The following KDM1B variants were observed in gnomAD, a reference collection of about 807,000 sequenced individuals.
KDM1B encodes the protein lysine demethylase 1B.
In KDM1B, 63 loss-of-function variants were observed where a neutral mutation model predicts 107.4. That is an observed-to-expected ratio of 0.59 (90% CI 0.48 to 0.72). The LOEUF is 0.72. Among genes scored for constraint, KDM1B ranks in the 30% least tolerant of loss-of-function variants. The pLI is 0.00. For missense variants in KDM1B, 749 were observed against 1,020.8 expected (o/e 0.73, Z 3.63); for synonymous variants, 363 against 363.9 (o/e 1.00, Z 0.03).
rs1401111759 is a variant in KDM1B at position 18,205,396 on chromosome 6, C to T, written c.1532-141C>T. ...AGAGAAATGGACCTTATCAAGAGAT[C>T]TTTTCCCCTCTGACTTTACTTGGGA... On this transcript the variant is annotated intron_variant, in intron 14 of 21. Transcript: ENST00000650836. The surrounding 1 kb of genome is among the most constrained non-coding windows in gnomAD (Gnocchi z 5.7). The T allele has an allele frequency of 1.6e-6, 1 of 623,268 alleles. No individual in the cohort carries two copies. Among genetic ancestry groups the T allele is most frequent in the African/African-American group, 1.9e-5 (1 of 51,934 alleles). The allele number at this position is 623,268 out of a possible 1,614,324, so 38.6% of individuals were successfully genotyped here.
At chr6:18,175,137 G>A (rs780220597) in intron 7 of KDM1B, among the ~76,000 whole-genome samples, 2 of 152,212 alleles carry the variant, frequency 1.3e-5, no homozygotes, top group African/African-American at 2.4e-5. Context: ...CACTGCATCC[G>A]CACCAACATC....
Position 18,205,645 on chromosome 6 carries a change from G to A in KDM1B, c.1640G>A (p.Cys547Tyr), listed in dbSNP as rs1241352423. 6.6e-7 allele frequency: 1 copy of A among 1,523,740 alleles called. No individual in the cohort carries two copies. Among genetic ancestry groups the A allele is most frequent in the African/African-American group, 1.4e-5 (1 of 70,950 alleles). The allele number at this position is 1,523,740 out of a possible 1,614,324, so 94.4% of individuals were successfully genotyped here. A position where few individuals can be genotyped will look rare whatever the true frequency, so the allele number is the denominator to read the frequency against. ...CATCTCAGTAACCTGGAGTACGCCT[G>A]TGGCAGCAACCTTCACCAGGTGCGC... The part of the protein sequence containing the change: ...QFHLSNLEYA[C>Y]GSNLHQVSAR... Residue 547 changes from cysteine (C) to tyrosine (Y), a missense_variant, in exon 15 of 22, where the codon TGT becomes TAT. Coordinates refer to ENST00000650836, the MANE Select transcript of KDM1B (RefSeq NM_001364614.2). This position sits in a 1 kb window ranked among gnomAD's most constrained non-coding sequence, Gnocchi z 5.7.
chr6:18,210,997 C>T (rs1323163572), intron 17 of KDM1B, among the ~76,000 whole-genome samples: 2 of 151,994 alleles, frequency 1.3e-5, no homozygotes, highest in Non-Finnish European at 2.9e-5. Flanking sequence ...AAGACCCTGT[C>T]TCTTTAAAGG....
chr6:18,202,128 C>T (rs1471990631), intron 14 of KDM1B, among the ~76,000 whole-genome samples: 5 of 152,008 alleles, frequency 3.3e-5, no homozygotes, highest in African/African-American at 9.7e-5. Flanking sequence ...CCATTAGGCA[C>T]AGTGGCTCAC....
Position 18,207,471 on chromosome 6 carries a change from G to T in KDM1B, c.1733G>T (p.Gly578Val). ...GGTGACCACACTCTGCTAACTCCCGGGTACTCGGTGATAATTGAAAAACTG... is the reference window on the plus strand; with the variant it reads ...GGTGACCACACTCTGCTAACTCCCGTGTACTCGGTGATAATTGAAAAACTG... The part of the protein sequence containing the change: ...FAGDHTLLTP[G>V]YSVIIEKLAE... The change falls in exon 16 of 22, where the codon GGG (glycine) becomes GTG (valine). Residue 578 changes from glycine (G) to valine (V), a missense_variant. Gly to Val is a moderately radical substitution (Grantham distance 109). Coordinates refer to ENST00000650836, the MANE Select transcript of KDM1B (RefSeq NM_001364614.2). 6.2e-7 allele frequency: 1 copy of T among 1,614,182 alleles called. No homozygotes were observed. The highest frequency in any genetic ancestry group is 8.5e-7 in the Non-Finnish European group (1 of 1,180,020).
chr6:18,187,258 G>A (rs572565411), intron 8 of KDM1B, among the ~76,000 whole-genome samples: 3 of 152,216 alleles, frequency 2.0e-5, no homozygotes, highest in East Asian at 1.9e-4. Context: ...TACATTTGGC[G>A]TCTTATTTTG....
intron 20 of KDM1B, among the ~76,000 whole-genome samples, chr6:18,215,342 A>C (rs1789139379): frequency 6.6e-6 from 1 of 152,224 alleles, no homozygotes; most frequent in Admixed American, 6.5e-5. Context: ...TGCCTTAGAC[A>C]ACAGAAACTT....
chr6:18,193,427 C>G (rs1678118809), intron 10 of KDM1B, among the ~76,000 whole-genome samples: 1 of 148,458 alleles, frequency 6.7e-6, no homozygotes, highest in Non-Finnish European at 1.5e-5. Flanking sequence ...CCATCTTAGT[C>G]TTCTGAGTAG....
At chr6:18,156,274 G>A (rs1784603004) in intron 2 of KDM1B, among the ~76,000 whole-genome samples, 1 of 152,162 alleles carries the variant, frequency 6.6e-6, no homozygotes, top group African/African-American at 2.4e-5. Flanking sequence ...TCAACGGCCG[G>A]GCAGCTGACA....
In KDM1B at chr6:18,162,585, C is replaced by T. The variant is rs952924125; in HGVS notation, c.216-250C>T. On this transcript the variant is annotated intron_variant, in intron 4 of 21. Coordinates refer to ENST00000650836, the MANE Select transcript of KDM1B (RefSeq NM_001364614.2). This position sits in a 1 kb window ranked among gnomAD's most constrained non-coding sequence, Gnocchi z 4.1. ...TTGTGTCATAAAACCCTATCATTGCCCCAAGGAGTCTTCTTAAGACTGCTA... is the reference window on the plus strand; with the variant it reads ...TTGTGTCATAAAACCCTATCATTGCTCCAAGGAGTCTTCTTAAGACTGCTA... Among the ~76,000 whole-genome samples, 4 of 152,104 alleles carry T rather than the reference C, an allele frequency of 2.6e-5. No homozygotes were observed. Among genetic ancestry groups the T allele is most frequent in the African/African-American group, 7.2e-5 (3 of 41,422 alleles).
intron 9 of KDM1B, among the ~76,000 whole-genome samples, chr6:18,188,816 G>A (rs919754513): frequency 2.4e-4 from 35 of 146,928 alleles, no homozygotes; most frequent in Admixed American, 1.1e-3. Flanking sequence ...CAGAATCTCA[G>A]TCTGTCACCC....
rs1019443899 is a variant in KDM1B, at chr6:18,212,747, GA to G, written c.1983+145del. On this transcript the variant is annotated intron_variant, in intron 18 of 21. Coordinates refer to ENST00000650836, the MANE Select transcript of KDM1B (RefSeq NM_001364614.2). The surrounding 1 kb of genome is among the most constrained non-coding windows in gnomAD (Gnocchi z 5.2). The stretch of plus-strand genomic sequence containing the variant: ...CCTTTTCATTTGAGTAATTGTTCGT[GA>G]AGAACACAGAAGAATATTATCAAAA... The G allele has an allele frequency of 1.1e-5, 7 of 661,468 alleles. 1 individual carries two copies. Among genetic ancestry groups the G allele is most frequent in the Non-Finnish European group, 1.9e-5 (7 of 370,938 alleles). The allele number at this position is 661,468 out of a possible 1,614,324, so 41.0% of individuals were successfully genotyped here.
In KDM1B at chr6:18,203,120, C is replaced by T. The variant is rs894751104; in HGVS notation, c.1531+1463C>T. 2.6e-5 allele frequency among the ~76,000 whole-genome samples: 4 copies of T among 152,096 alleles called. No homozygotes were observed. The highest frequency in any genetic ancestry group is 5.9e-5 in the Non-Finnish European group (4 of 68,014). On this transcript the variant is annotated intron_variant, in intron 14 of 21. Coordinates refer to ENST00000650836, the MANE Select transcript of KDM1B (RefSeq NM_001364614.2). This position sits in a 1 kb window ranked among gnomAD's most constrained non-coding sequence, Gnocchi z 5.5. ...ATGATAATGCTTTGCCTTACCCTTA[C>T]CTAGAACAAGCTGTAGGCCAGGCAT...
chr6:18,178,587 T>G (rs937857558), intron 7 of KDM1B, among the ~76,000 whole-genome samples: 2 of 151,496 alleles, frequency 1.3e-5, no homozygotes, highest in Admixed American at 1.3e-4. Context: ...GAGACAGGGC[T>G]TCCCCATGTT....
In KDM1B at chr6:18,200,427, C is replaced by A. The variant is rs1270195334; in HGVS notation, c.1222-12C>A. On this transcript the variant is annotated splice_polypyrimidine_tract_variant and intron_variant, in intron 12 of 21. Coordinates refer to ENST00000650836, the MANE Select transcript of KDM1B (RefSeq NM_001364614.2). The surrounding 1 kb of genome is among the most constrained non-coding windows in gnomAD (Gnocchi z 4.3). ...TGTCCTATTTAGCTTCCCTGACTGT[C>A]TGTCTTTTTAGGTGACTGTCCTGGA... is the stretch of plus-strand genomic sequence containing the variant. 1 of 1,612,274 alleles carries A rather than the reference C, an allele frequency of 6.2e-7. No individual in the cohort carries two copies. Among genetic ancestry groups the A allele is most frequent in the African/African-American group, 1.3e-5 (1 of 74,810 alleles).
Position 18,168,536 on chromosome 6 carries a change from G to A in KDM1B, c.417+2158G>A, listed in dbSNP as rs749868657. ...TTGATGGACATCTAGATCATTTCAA[G>A]CGTTTAGCAATTGTGAATAGTGCTG... is the stretch of plus-strand genomic sequence containing the variant. On this transcript the variant is annotated intron_variant, in intron 6 of 21. Transcript: ENST00000650836. 1.2e-4 allele frequency among the ~76,000 whole-genome samples: 19 copies of A among 152,260 alleles called. No individual in the cohort carries two copies. The East Asian group carries it at 1.5e-3, about 12-fold the overall frequency.
chr6:18,179,836 A>G (rs1369948724), intron 7 of KDM1B, among the ~76,000 whole-genome samples: 2 of 83,518 alleles, frequency 2.4e-5, no homozygotes, highest in Non-Finnish European at 4.6e-5. Flanking sequence ...TCAATTTAGC[A>G]TTGGTTTTTT....
Position 18,191,404 on chromosome 6 carries a change from A to G in KDM1B, c.969+23A>G, listed in dbSNP as rs1366500916. On this transcript the variant is annotated intron_variant, in intron 10 of 21. Transcript: ENST00000650836. The surrounding 1 kb of genome is among the most constrained non-coding windows in gnomAD (Gnocchi z 5.1). ...AAAGTAAGTAAGGGCATGTTAGCCA[A>G]TAGCACTGGACAGAGGAGGACCATG... 9 of 1,545,096 alleles carry G rather than the reference A, an allele frequency of 5.8e-6. No individual in the cohort carries two copies. The Admixed American group carries it at 7.9e-5, about 13-fold the overall frequency.
intron 21 of KDM1B, among the ~76,000 whole-genome samples, chr6:18,221,089 TCCC>T (rs954652250): frequency 5.3e-5 from 8 of 151,902 alleles, no homozygotes; most frequent in African/African-American, 1.9e-4. Context: ...TGCCACTTTC[TCCC>T]CCCACTAGTC....
Sources: allele counts gnomAD v4.1 joint callset (sites outside exome capture counted in the v4.1 genomes callset), GRCh38; gene constraint gnomAD v4.1.1; non-coding constraint Gnocchi (gnomAD v3.1); transcripts MANE v1.5; gene names NCBI Gene and HGNC (gene_info 2026-07-23, HGNC 2026-07-21).